MET: variants seen among roughly 807,000 people sequenced by gnomAD.
MET encodes hepatocyte growth factor receptor.
A neutral mutation model predicts 133.1 loss-of-function variants in MET; 48 were observed. The observed-to-expected ratio is 0.36, with a 90% CI of 0.29 to 0.46. The LOEUF is 0.46. MET is among the 20% of genes least tolerant of loss of function. The pLI, the probability that MET is intolerant of heterozygous loss-of-function variation, is 1.00. For missense variants in MET, 1,442 were observed against 1,695.9 expected (o/e 0.85, Z 2.63); for synonymous variants, 628 against 616.5 (o/e 1.02, Z -0.28).
chr7:116,776,944 T>G (rs1795010926), intron 15 of MET, among the ~76,000 whole-genome samples: 1 of 152,350 alleles, frequency 6.6e-6, no homozygotes, highest in East Asian at 1.9e-4. Context: ...ACATTTTTAT[T>G]TCATTTCAGC....
chr7:116,716,347 G>A (rs1274178540), intron 2 of MET, among the ~76,000 whole-genome samples: 72 of 90,842 alleles, frequency 7.9e-4, no homozygotes, highest in African/African-American at 1.9e-3. Context: ...GAAAAGAAAC[G>A]GAGAGAGAGG....
intron 1 of MET, among the ~76,000 whole-genome samples, chr7:116,694,656 A>G (rs1382443390): frequency 2.0e-5 from 3 of 152,076 alleles, no homozygotes; most frequent in African/African-American, 7.2e-5. Context: ...TTTTAAAAAC[A>G]TAATTTAATA....
chr7:116,693,836 A>G (rs1287844092), intron 1 of MET, among the ~76,000 whole-genome samples: 2 of 152,248 alleles, frequency 1.3e-5, no homozygotes, highest in Non-Finnish European at 2.9e-5. Context: ...TACGAACAAT[A>G]GAGAACATGC....
At chr7:116,771,768 G>A (rs1456398392) in intron 13 of MET, 81 bp from the exon 14 acceptor site, 1 of 1,609,490 alleles carries the variant, frequency 6.2e-7, no homozygotes, top group Non-Finnish European at 8.5e-7. Context: ...TAAAACCCAT[G>A]AGTTCTGGGC....
At chr7:116,753,477 G>C (rs59375450) in intron 5 of MET, among the ~76,000 whole-genome samples, 416 of 152,188 alleles carry the variant, frequency 2.7e-3, no homozygotes, top group African/African-American at 9.1e-3. Context: ...ACACTTTATA[G>C]GTGCCTAATG....
chr7:116,768,392 C>T (rs1257460478), intron 11 of MET, among the ~76,000 whole-genome samples: 2 of 152,152 alleles, frequency 1.3e-5, no homozygotes, highest in Admixed American at 6.6e-5. Flanking sequence ...AACAAGTTGT[C>T]GTTTGAAGCC....
In MET at chr7:116,763,239, A is replaced by G. The variant is rs762863861; in HGVS notation, c.2554A>G (p.Met852Val). The G allele has an allele frequency of 6.8e-6, 11 of 1,613,824 alleles. No homozygotes were observed. Among genetic ancestry groups the G allele is most frequent in the African/African-American group, 1.3e-5 (1 of 74,928 alleles). The change falls in exon 11 of 21, where the codon ATG becomes GTG. Residue 852 changes from methionine to valine, a missense_variant. By Grantham distance (21) the Met-to-Val change is conservative (BLOSUM62 1). This residue lies in a region of MET where 514 missense variants were observed against 659.6 expected (regional missense o/e 0.78). Coordinates refer to ENST00000397752, the MANE Select transcript of MET (RefSeq NM_000245.4). ...TTTTGAAAAGCCAGTGATGATCTCAATGGGCAATGAAAATGTACTGGAAAT... is the reference window on the plus strand; with the variant it reads ...TTTTGAAAAGCCAGTGATGATCTCAGTGGGCAATGAAAATGTACTGGAAAT... ...KPFEKPVMIS[M>V]GNENVLEIKG...
chr7:116,689,421 G>A (rs1029707067), intron 1 of MET, among the ~76,000 whole-genome samples: 1 of 151,938 alleles, frequency 6.6e-6, no homozygotes, highest in Admixed American at 6.6e-5. Context: ...ATTTGCTGAC[G>A]ACTAGGATTG....
At chr7:116,766,834 G>C (rs550476990) in intron 11 of MET, among the ~76,000 whole-genome samples, 1 of 152,026 alleles carries the variant, frequency 6.6e-6, no homozygotes, top group Non-Finnish European at 1.5e-5. Context: ...TAGTAGTAAA[G>C]GTCCCCAACT....
intron 2 of MET, among the ~76,000 whole-genome samples, chr7:116,726,640 A>G (rs1280782616): frequency 6.6e-6 from 1 of 152,186 alleles, no homozygotes; most frequent in East Asian, 1.9e-4. Flanking sequence ...AGGACCCAAG[A>G]AATGGGAGGG....
At chr7:116,781,414 T>C (rs1795151169) in intron 17 of MET, among the ~76,000 whole-genome samples, 2 of 152,070 alleles carry the variant, frequency 1.3e-5, no homozygotes, top group South Asian at 4.1e-4. Flanking sequence ...TTAAAACACC[T>C]CCATTTTCCC....
At chr7:116,774,359 C>T (rs1176483649) in intron 14 of MET, among the ~76,000 whole-genome samples, 1 of 152,162 alleles carries the variant, frequency 6.6e-6, no homozygotes, top group African/African-American at 2.4e-5. Context: ...GGAGAATTTA[C>T]CACTAATGTG....
At position 116,796,068 on chromosome 7, in the gene MET, G is replaced by C. The variant is rs398123570; in HGVS notation, c.4117G>C (p.Asp1373His). Residue 1373 changes from aspartate (D) to histidine (H), a missense_variant, in exon 21 of 21, where the codon GAT becomes CAT. Asp to His is a moderately conservative substitution (Grantham distance 81, BLOSUM62 -1). Transcript: ENST00000397752. The stretch of plus-strand genomic sequence containing the variant: ...GTATCCTTCTCTGTTGTCATCAGAA[G>C]ATAACGCTGATGATGAGGTGGACAC... ...APYPSLLSSE[D>H]NADDEVDTRP... 2.7e-5 allele frequency: 44 copies of C among 1,613,908 alleles called. 1 individual carries two copies. The Admixed American group carries it at 7.3e-4, about 27-fold the overall frequency.
intron 19 of MET, among the ~76,000 whole-genome samples, chr7:116,786,979 T>G (rs1421661336): frequency 6.6e-6 from 1 of 152,112 alleles, no homozygotes; most frequent in African/African-American, 2.4e-5. Context: ...GAAAGCTGAG[T>G]TTCAGTTCCT....
rs1462042758 is a variant in MET, at chr7:116,796,273, G to A, written c.*149G>A. 3 of 777,946 alleles carry A rather than the reference G, an allele frequency of 3.9e-6. No homozygotes were observed. Among genetic ancestry groups the A allele is most frequent in the Non-Finnish European group, 6.5e-6 (3 of 460,208 alleles). 48.2% of individuals were successfully genotyped at this position (777,946 alleles called of 1,614,324 possible). On this transcript the variant is annotated 3_prime_UTR_variant, in exon 21 of 21. Transcript: ENST00000397752. ...GTTATTTAAATTACTGGATTCTAAG[G>A]AATTTCTTATCTGACAGAGCATCAG...
At chr7:116,693,982 A>G (rs982676702) in intron 1 of MET, among the ~76,000 whole-genome samples, 4 of 152,214 alleles carry the variant, frequency 2.6e-5, no homozygotes, top group African/African-American at 9.6e-5. Context: ...ACAGGCTTAG[A>G]CTTACTTGCC....
intron 8 of MET, 67 bp from the exon 9 acceptor site, chr7:116,758,392 G>A (rs2116928925): frequency 6.7e-7 from 1 of 1,487,212 alleles, no homozygotes; most frequent in Non-Finnish European, 9.4e-7. Context: ...TTTGATTTGT[G>A]GATATAATTC....
chr7:116,730,363 T>C (rs1202894637), intron 2 of MET, among the ~76,000 whole-genome samples: 1 of 152,138 alleles, frequency 6.6e-6, no homozygotes, highest in Admixed American at 6.6e-5. Context: ...AGCCATACAG[T>C]CCATGTTAAA....
In MET at chr7:116,754,939, G is replaced by GAAAGAAAGAAAGAAAA. The variant is rs1554394721; in HGVS notation, c.1702-403_1702-402insAAAAAAGAAAGAAAGA. On this transcript the variant is annotated intron_variant, in intron 5 of 20. Transcript: ENST00000397752. ...AGAAAGAAAGAAAGAAAGAAAGAAA[G>GAAAGAAAGAAAGAAAA]AAAGAAAGAAAGAGAAAGAAAGAGA... is the stretch of plus-strand genomic sequence containing the variant. Among the ~76,000 whole-genome samples the GAAAGAAAGAAAGAAAA allele has an allele frequency of 2.1e-3, 254 of 122,756 alleles. 1 individual carries two copies. Among genetic ancestry groups the GAAAGAAAGAAAGAAAA allele is most frequent in the Admixed American group, 5.4e-3 (60 of 11,036 alleles). The allele number at this position is 122,756 out of a possible 152,430, so 80.5% of individuals were successfully genotyped here.
Sources: allele counts gnomAD v4.1 joint callset (sites outside exome capture counted in the v4.1 genomes callset), GRCh38; gene constraint gnomAD v4.1.1; regional missense constraint gnomAD v4.1.1; transcripts MANE v1.5; gene names NCBI Gene and HGNC (gene_info 2026-07-23, HGNC 2026-07-21).